THSD1: variants seen among roughly 807,000 people sequenced by gnomAD.
THSD1 encodes the protein thrombospondin type-1 domain-containing protein 1.
THSD1 carries 34 observed loss-of-function variants against 46.3 expected under a neutral mutation model. The observed-to-expected ratio is 0.74, with a 90% confidence interval of 0.56 to 0.98. The LOEUF is 0.98. THSD1 is among the 50% of genes least tolerant of loss of function. The probability of loss-of-function intolerance (pLI) is 0.00; values close to 1 mark genes in which losing one functional copy is unlikely to be tolerated. For missense variants in THSD1, 1,023 were observed against 1,058.3 expected (o/e 0.97, Z 0.46); for synonymous variants, 407 against 416.5 (o/e 0.98, Z 0.28).
Position 52,397,567 on chromosome 13 carries a change from G to A in THSD1, c.686C>T (p.Thr229Ile), listed in dbSNP as rs1334648418. Reference sequence around the variant, plus strand: ...GGCCAGGTCAATGGGTCCTGTGGAGGTAATGACTGAGTCTCGCCCAAGCAG... The same window carrying A: ...GGCCAGGTCAATGGGTCCTGTGGAGATAATGACTGAGTCTCGCCCAAGCAG... ...LKLLGRDSVI[T>I]STGPIDLAQK... Residue 229 changes from threonine (T) to isoleucine (I), a missense_variant, in exon 3 of 5, where the codon ACC becomes ATC. By Grantham distance (89) the Thr-to-Ile change is moderately conservative. Transcript: ENST00000258613. The A allele has an allele frequency of 2.5e-6, 4 of 1,614,078 alleles. No individual in the cohort carries two copies. Among genetic ancestry groups the A allele is most frequent in the South Asian group, 1.1e-5 (1 of 91,092 alleles).
Position 52,382,051 on chromosome 13 carries a change from A to C in THSD1, c.1181-3262T>G, listed in dbSNP as rs374613054. On this transcript the variant is annotated intron_variant, in intron 4 of 4. Coordinates refer to ENST00000258613, the MANE Select transcript of THSD1 (RefSeq NM_018676.4). Reference sequence around the variant, plus strand: ...TCTCCCTTTTGGTTTCAATGAGAACATTCACTTATGTAATTTAGAGAGAAG... The same window carrying C: ...TCTCCCTTTTGGTTTCAATGAGAACCTTCACTTATGTAATTTAGAGAGAAG... 2.0e-5 allele frequency among the ~76,000 whole-genome samples: 3 copies of C among 152,252 alleles called. No individual in the cohort carries two copies. In the South Asian group the frequency reaches 6.2e-4, roughly 32 times the overall value.
intron 2 of THSD1, among the ~76,000 whole-genome samples, chr13:52,400,996 C>T (rs766736631): frequency 2.3e-4 from 35 of 152,050 alleles, no homozygotes; most frequent in Admixed American, 1.6e-3. Flanking sequence ...GTTTTTGAGA[C>T]GGACTTTTGC....
intron 3 of THSD1, among the ~76,000 whole-genome samples, chr13:52,387,584 G>T (rs1264920399): frequency 6.6e-6 from 1 of 152,156 alleles, no homozygotes; most frequent in Non-Finnish European, 1.5e-5. Flanking sequence ...AGTGGAAAAG[G>T]TGAACAAGAT....
In THSD1 at chr13:52,378,183, G is replaced by A. The variant is rs143493268; in HGVS notation, c.1787C>T (p.Ala596Val). The change falls in exon 5 of 5, where the codon GCG (alanine) becomes GTG (valine). Residue 596 changes from alanine (A) to valine (V), a missense_variant. By Grantham distance (64) the Ala-to-Val change is moderately conservative. Transcript: ENST00000258613. ...GGGAGGCCTTTCCCCGGCACTGACC[G>A]CGGGCTGCTCCGGAAATGGGGATTT... is the stretch of plus-strand genomic sequence containing the variant. ...RIKSPFPEQPAVSAGERPPSR... is the reference protein window; with the variant it reads ...RIKSPFPEQPVVSAGERPPSR... The A allele has an allele frequency of 1.5e-4, 243 of 1,614,196 alleles. 2 individuals are homozygous for A. In the African/African-American group the frequency reaches 2.7e-3, roughly 18 times the overall value.
intron 3 of THSD1, among the ~76,000 whole-genome samples, chr13:52,387,712 C>T (rs1255717190): frequency 2.0e-5 from 3 of 152,052 alleles, no homozygotes; most frequent in Admixed American, 6.6e-5. Flanking sequence ...ACTTGACACA[C>T]AGCTGAGGAA....
chr13:52,387,234 T>G (rs1957738953), intron 3 of THSD1, among the ~76,000 whole-genome samples: 1 of 151,780 alleles, frequency 6.6e-6, no homozygotes. Flanking sequence ...AAAATAACAC[T>G]CAAAAAATGT....
At chr13:52,381,764 T>G (rs9536046) in intron 4 of THSD1, among the ~76,000 whole-genome samples, 92,616 of 151,882 alleles carry the variant, frequency 0.61, 28,870 homozygotes, top group Middle Eastern at 0.72. Flanking sequence ...ACATACTCAA[T>G]CTCTTTGCAC....
rs1957820063 is a variant in THSD1 at position 52,397,410 on chromosome 13, G to C, written c.843C>G (p.Tyr281Ter). 1 of 1,614,004 alleles carries C rather than the reference G, an allele frequency of 6.2e-7. No homozygotes were observed. Among genetic ancestry groups the C allele is most frequent in the African/African-American group, 1.3e-5 (1 of 74,910 alleles). Reference protein sequence around the residue: ...VVTVFKEAPRYPGKRTIHLAE... With the variant: ...VVTVFKEAPR Reference sequence around the variant, plus strand: ...CCAAGTGAATGGTCCTCTTCCCAGGGTATCTGGGGGCCTCCTTGAAGACAG... The same window carrying C: ...CCAAGTGAATGGTCCTCTTCCCAGGCTATCTGGGGGCCTCCTTGAAGACAG... The change falls in exon 3 of 5, where the codon TAC becomes TAG. Residue 281 changes from tyrosine (Y) to a stop codon, truncating the protein, a stop_gained. Transcript: ENST00000258613. LOFTEE classifies it high-confidence loss of function.
Position 52,380,640 on chromosome 13 carries a change from G to C in THSD1, c.1181-1851C>G, listed in dbSNP as rs751135136. On this transcript the variant is annotated intron_variant, in intron 4 of 4. Transcript: ENST00000258613. ...TTTTTTTGTATTTTTAGTAGAGATG[G>C]GGTTTCACCATGTTAGCCAGGATGG... Among the ~76,000 whole-genome samples the C allele has an allele frequency of 3.5e-4, 53 of 151,762 alleles. 1 individual carries two copies. Among genetic ancestry groups the C allele is most frequent in the Non-Finnish European group, 4.4e-4 (30 of 67,966 alleles).
At chr13:52,396,622 G>T (rs565672333) in intron 3 of THSD1, among the ~76,000 whole-genome samples, 1 of 152,158 alleles carries the variant, frequency 6.6e-6, no homozygotes, top group Non-Finnish European at 1.5e-5. Context: ...CAAGAAAAGG[G>T]AAAGAAATGC....
Position 52,377,669 on chromosome 13 carries a change from G to T in THSD1, c.2301C>A (p.His767Gln). The change falls in exon 5 of 5, where the codon CAC becomes CAA. Residue 767 changes from histidine (H) to glutamine (Q), a missense_variant. His to Gln is a conservative substitution (Grantham distance 24, BLOSUM62 0). Coordinates refer to ENST00000258613, the MANE Select transcript of THSD1 (RefSeq NM_018676.4). ...HRARRGPSPS[H>Q]KSVSRKQSSP... ...AAGACTGCTTCCTTGAGACACTCTT[G>T]TGACTGGGGGACGGTCCCCGACGAG... is the stretch of plus-strand genomic sequence containing the variant. The T allele has an allele frequency of 6.2e-7, 1 of 1,610,156 alleles. No individual in the cohort carries two copies. The highest frequency in any genetic ancestry group is 8.5e-7 in the Non-Finnish European group (1 of 1,176,894).
intron 3 of THSD1, among the ~76,000 whole-genome samples, chr13:52,389,477 T>TA (rs1957757447): frequency 6.6e-6 from 1 of 152,002 alleles, no homozygotes; most frequent in Non-Finnish European, 1.5e-5. Context: ...TCAGATTAGA[T>TA]AAAAAAGCAC....
intron 3 of THSD1, among the ~76,000 whole-genome samples, chr13:52,391,153 T>G (rs1445039957): frequency 6.6e-6 from 1 of 152,112 alleles, no homozygotes; most frequent in Non-Finnish European, 1.5e-5. Flanking sequence ...TTTTGGTGGC[T>G]AGTGTTGGCA....
Position 52,377,301 on chromosome 13 carries a change from G to A in THSD1, c.*110C>T. ...CATGCATACACACACATCCTCCTCTGTGTGTTACTTCCTCCTCACATTCTG... is the reference window on the plus strand; with the variant it reads ...CATGCATACACACACATCCTCCTCTATGTGTTACTTCCTCCTCACATTCTG... On this transcript the variant is annotated 3_prime_UTR_variant, in exon 5 of 5. Transcript: ENST00000258613. The A allele has an allele frequency of 1.4e-6, 2 of 1,401,520 alleles. No individual in the cohort carries two copies. The highest frequency in any genetic ancestry group is 1.9e-6 in the Non-Finnish European group (2 of 1,071,938). 86.8% of individuals were successfully genotyped at this position (1,401,520 alleles called of 1,614,324 possible). A position where few individuals can be genotyped will look rare whatever the true frequency, so the allele number is the denominator to read the frequency against.
intron 3 of THSD1, among the ~76,000 whole-genome samples, chr13:52,388,532 G>A (rs953857851): frequency 2.0e-5 from 3 of 152,222 alleles, no homozygotes; most frequent in Admixed American, 6.5e-5. Context: ...AGGATGGAGT[G>A]CAATGGTGCG....
rs758610155 is a variant in THSD1, at chr13:52,398,195, C to T, written c.59-1G>A. On this transcript the variant is annotated splice_acceptor_variant, in intron 2 of 4. Coordinates refer to ENST00000258613, the MANE Select transcript of THSD1 (RefSeq NM_018676.4). LOFTEE classifies it high-confidence loss of function. ...AGAAGATATTCAGCTTCTCCAAGAA[C>T]TGAAATGAAGTGGTCAGAATTGGTT... 6.2e-7 allele frequency: 1 copy of T among 1,610,302 alleles called. No individual in the cohort carries two copies. The highest frequency in any genetic ancestry group is 2.2e-5 in the East Asian group (1 of 44,814).
chr13:52,405,607 C>A (rs753157700), intron 1 of THSD1, among the ~76,000 whole-genome samples: 1 of 152,226 alleles, frequency 6.6e-6, no homozygotes, highest in African/African-American at 2.4e-5. Flanking sequence ...GCCCAGTTCA[C>A]GCCTGGAAGT....
chr13:52,406,156 C>T lies in THSD1; in HGVS notation c.-207G>A, dbSNP rs944389874. 2 of 152,116 alleles carry T rather than the reference C, an allele frequency of 1.3e-5. No homozygotes were observed. The highest frequency in any genetic ancestry group is 1.3e-4 in the Admixed American group (2 of 15,276). The allele number at this position is 152,116 out of a possible 1,614,324, so 9.4% of individuals were successfully genotyped here. ...TCCCAGACTGCACGCCCTGACCCCG[C>T]GGCGTTCGGCTCCCACAGCCCCGCG... On this transcript the variant is annotated 5_prime_UTR_variant, in exon 1 of 5. Coordinates refer to ENST00000258613, the MANE Select transcript of THSD1 (RefSeq NM_018676.4).
chr13:52,393,865 G>A (rs1182360955), intron 3 of THSD1, among the ~76,000 whole-genome samples: 2 of 152,134 alleles, frequency 1.3e-5, no homozygotes, highest in East Asian at 3.9e-4. Flanking sequence ...AAAAACACAG[G>A]AAGTCACTGA....
Sources: gnomAD v4.1 joint callset for allele counts (sites outside exome capture counted in the v4.1 genomes callset) on GRCh38, gnomAD v4.1.1 for gene constraint, MANE v1.5 for transcripts, NCBI Gene and HGNC (gene_info 2026-07-23, HGNC 2026-07-21) for gene names.